Variants in SBNO2 observed in about 807,000 individuals in gnomAD.
The protein encoded by SBNO2 is protein strawberry notch homolog 2.
A neutral mutation model predicts 146.3 loss-of-function variants in SBNO2; 89 were observed. The ratio of observed to expected loss-of-function variants is 0.61; its 90% CI spans 0.51 to 0.73. SBNO2 has a LOEUF of 0.73. SBNO2 is among the 30% of genes least tolerant of loss of function. The probability of loss-of-function intolerance (pLI) is 0.00; values close to 1 mark genes in which losing one functional copy is unlikely to be tolerated. For missense variants in SBNO2, 2,092 were observed against 2,003.7 expected, an observed-to-expected ratio of 1.04 and a Z score of -0.84; for synonymous variants, 1,147 against 892.6, an observed-to-expected ratio of 1.29 and a Z score of -5.08.
chr19:1,146,271 A>G (rs1031071703), intron 4 of SBNO2, among the ~76,000 whole-genome samples: 1 of 151,976 alleles, frequency 6.6e-6, no homozygotes, highest in African/African-American at 2.4e-5. Flanking sequence ...GCACAGACTC[A>G]GGGTCCGGCT....
In SBNO2 at chr19:1,150,166, G is replaced by A. The variant is rs1300601445; in HGVS notation, c.94-724C>T. On this transcript the variant is annotated intron_variant, in intron 2 of 31. Coordinates refer to ENST00000361757, the MANE Select transcript of SBNO2 (RefSeq NM_014963.3). This position sits in a 1 kb window ranked among gnomAD's most constrained non-coding sequence, Gnocchi z 6.2. ...TTACCCAACACCCTCGCCAGGAGCC[G>A]ATGTCCCCACCCCATGGTTCTCTGG... Among the ~76,000 whole-genome samples the A allele has an allele frequency of 1.3e-5, 2 of 152,104 alleles. No homozygotes were observed. The highest frequency in any genetic ancestry group is 2.4e-5 in the African/African-American group (1 of 41,404).
At chr19:1,120,360 T>C (rs2079886406) in intron 11 of SBNO2, among the ~76,000 whole-genome samples, 1 of 152,152 alleles carries the variant, frequency 6.6e-6, no homozygotes, top group African/African-American at 2.4e-5. Flanking sequence ...ACCTGGAACC[T>C]GTTTTCTTTT....
intron 4 of SBNO2, among the ~76,000 whole-genome samples, chr19:1,133,390 C>G (rs1295497812): frequency 6.6e-6 from 1 of 152,130 alleles, no homozygotes; most frequent in Non-Finnish European, 1.5e-5. Context: ...TTGTAAGACT[C>G]CCGCCAGGGC....
chr19:1,169,452 CA>C (rs1229292922), intron 1 of SBNO2, among the ~76,000 whole-genome samples: 1 of 152,234 alleles, frequency 6.6e-6, no homozygotes, highest in African/African-American at 2.4e-5. Flanking sequence ...CCCTGTGTGC[CA>C]CCCATGTGGC....
intron 19 of SBNO2, 137 bp from the exon 20 acceptor site, chr19:1,113,086 A>T (rs2079786539): frequency 9.4e-7 from 1 of 1,069,266 alleles, no homozygotes; most frequent in Non-Finnish European, 1.3e-6. Context: ...GGTGCTGGGA[A>T]AGGGAGGGCG....
In SBNO2 at chr19:1,108,115, G is replaced by C. The variant is rs972359643; in HGVS notation, c.*105C>G. On this transcript the variant is annotated 3_prime_UTR_variant, in exon 32 of 32. Transcript: ENST00000361757. ...TGAAGGCACTGCGGCCAGGGCCTAG[G>C]GCTCCTCTGAGCAGTGGTCAGGGGA... is the stretch of plus-strand genomic sequence containing the variant. The C allele has an allele frequency of 1.6e-6, 2 of 1,254,914 alleles. No homozygotes were observed. Among genetic ancestry groups the C allele is most frequent in the Non-Finnish European group, 2.1e-6 (2 of 961,286 alleles). 77.7% of individuals were successfully genotyped at this position (1,254,914 alleles called of 1,614,324 possible).
chr19:1,127,081 C>G (rs1184054093), intron 5 of SBNO2, among the ~76,000 whole-genome samples: 1 of 152,236 alleles, frequency 6.6e-6, no homozygotes, highest in East Asian at 1.9e-4. Flanking sequence ...CAGCTCCCCA[C>G]TAGCGGGGAC....
At chr19:1,169,192 G>C (rs1568654013) in intron 1 of SBNO2, 1 of 152,278 alleles carries the variant, frequency 6.6e-6, no homozygotes, top group African/African-American at 2.4e-5. Context: ...CACTGCACGA[G>C]GCTGCCCGGG....
At chr19:1,155,767 C>T (rs910789583) in intron 1 of SBNO2, among the ~76,000 whole-genome samples, 4 of 152,218 alleles carry the variant, frequency 2.6e-5, no homozygotes, top group Non-Finnish European at 5.9e-5. Context: ...AACAGCTCTG[C>T]TGGGCCCAAG....
chr19:1,153,172 T>C (rs775636605), intron 2 of SBNO2, among the ~76,000 whole-genome samples: 7 of 151,032 alleles, frequency 4.6e-5, no homozygotes, highest in Non-Finnish European at 7.4e-5. Flanking sequence ...CAAAACAAAA[T>C]AAAATAAAAT....
At chr19:1,172,785 C>CT (rs933528435) in intron 1 of SBNO2, among the ~76,000 whole-genome samples, 2 of 92,268 alleles carry the variant, frequency 2.2e-5, no homozygotes, top group East Asian at 7.4e-4. Flanking sequence ...ACCGCCCCCC[C>CT]CGCCCCGGCA....
chr19:1,147,492 C>A, intron 3 of SBNO2, 72 bp from the exon 4 acceptor site: 1 of 864,178 alleles, frequency 1.2e-6, no homozygotes, highest in South Asian at 1.9e-5. Flanking sequence ...CACCTGCACC[C>A]CCATGGCCGC....
intron 12 of SBNO2, 118 bp downstream of exon 12, chr19:1,119,788 C>T (rs942420233): frequency 7.2e-6 from 7 of 965,804 alleles, no homozygotes; most frequent in Non-Finnish European, 1.1e-5. Flanking sequence ...CCCCAGTGTC[C>T]GAGGAGGAGC....
intron 4 of SBNO2, chr19:1,132,266 T>A (rs1333317676): frequency 7.6e-7 from 1 of 1,315,168 alleles, no homozygotes; most frequent in African/African-American, 1.5e-5. Context: ...CCGGCTGCAT[T>A]TGCATGTCGG....
At chr19:1,142,882 G>A (rs541694990) in intron 4 of SBNO2, among the ~76,000 whole-genome samples, 30 of 152,210 alleles carry the variant, frequency 2.0e-4, no homozygotes, top group Admixed American at 5.2e-4. Context: ...CAGGAGAATC[G>A]CTTGAACCCG....
At chr19:1,163,086 G>A (rs1215239252) in intron 1 of SBNO2, among the ~76,000 whole-genome samples, 1 of 152,210 alleles carries the variant, frequency 6.6e-6, no homozygotes, top group Admixed American at 6.5e-5. Context: ...GAGTGCCAGG[G>A]ACAGAGAGGG....
intron 1 of SBNO2, among the ~76,000 whole-genome samples, chr19:1,164,549 AGG>A (rs2080386271): frequency 1.7e-5 from 2 of 118,174 alleles, no homozygotes; most frequent in Non-Finnish European, 1.7e-5. Flanking sequence ...GAGGAGGAGG[AGG>A]AACAGGTGCT....
Position 1,147,311 on chromosome 19 carries a change from GAGCAAAGTCGCAGGT to G in SBNO2, c.262_276del (p.Thr88_Ala92del), listed in dbSNP as rs2080200176. The stretch of plus-strand genomic sequence containing the variant: ...CGGTGAGCTCCTGGGGCTCCTACCT[GAGCAAAGTCGCAGGT>G]CTTTGGTGGCAAGCTGGAGGCGGTG... On this transcript the variant is annotated inframe_deletion, in exon 4 of 32. Coordinates refer to ENST00000361757, the MANE Select transcript of SBNO2 (RefSeq NM_014963.3). The G allele has an allele frequency of 6.3e-7, 1 of 1,578,520 alleles. No individual in the cohort carries two copies. Among genetic ancestry groups the G allele is most frequent in the Non-Finnish European group, 8.6e-7 (1 of 1,163,920 alleles).
intron 4 of SBNO2, among the ~76,000 whole-genome samples, chr19:1,133,294 G>A (rs2080052199): frequency 1.3e-5 from 2 of 152,196 alleles, no homozygotes; most frequent in Non-Finnish European, 1.5e-5. Flanking sequence ...CGGCCCTGTG[G>A]CCAGGGGCCC....
Sources: gnomAD v4.1 joint callset for allele counts (sites outside exome capture counted in the v4.1 genomes callset) on GRCh38, gnomAD v4.1.1 for gene constraint, Gnocchi (gnomAD v3.1) non-coding constraint, MANE v1.5 for transcripts, NCBI Gene and HGNC (gene_info 2026-07-23, HGNC 2026-07-21) for gene names.